The following SNTB2 variants were observed in gnomAD, a reference collection of about 807,000 sequenced individuals.
The protein encoded by SNTB2 is beta-2-syntrophin.
Under a neutral mutation model 46.2 loss-of-function variants are expected in SNTB2, and 34 were observed. The ratio of observed to expected loss-of-function variants is 0.74; its 90% confidence interval spans 0.56 to 0.98. The LOEUF (loss-of-function observed/expected upper bound fraction) is 0.98, where lower values mean the gene tolerates loss of function less well. Among genes scored for constraint, SNTB2 ranks in the 50% least tolerant of loss-of-function variants. The pLI is 0.00. For missense variants in SNTB2, 603 were observed against 731.4 expected, an observed-to-expected ratio of 0.82 and a Z score of 2.02; for synonymous variants, 290 against 312.6, an observed-to-expected ratio of 0.93 and a Z score of 0.76.
chr16:69,275,137 A>T (rs889463841), intron 4 of SNTB2, among the ~76,000 whole-genome samples: 5 of 150,084 alleles, frequency 3.3e-5, no homozygotes, highest in African/African-American at 9.8e-5. Context: ...CAGTGGCAGG[A>T]TCATAGCTCA....
intron 3 of SNTB2, among the ~76,000 whole-genome samples, chr16:69,267,484 C>T (rs1964897787): frequency 6.6e-6 from 1 of 152,178 alleles, no homozygotes; most frequent in South Asian, 2.1e-4. Flanking sequence ...CTAAGAGAAC[C>T]TCTTTAGAGC....
rs1376268322 is a variant in SNTB2, at chr16:69,307,250, A to G, written c.*6326A>G. 6.6e-6 allele frequency: 1 copy of G among 152,184 alleles called. No individual in the cohort carries two copies. The highest frequency in any genetic ancestry group is 2.4e-5 in the African/African-American group (1 of 41,444). 9.4% of individuals were successfully genotyped at this position (152,184 alleles called of 1,614,324 possible). On this transcript the variant is annotated 3_prime_UTR_variant, in exon 7 of 7. Transcript: ENST00000336278. ...TCACTTCATATTTTTACCAAAGTAT[A>G]TTTACAAGTCTGTTTATCTGGATCT...
At chr16:69,238,744 G>A (rs1312097480) in intron 1 of SNTB2, among the ~76,000 whole-genome samples, 1 of 152,040 alleles carries the variant, frequency 6.6e-6, no homozygotes, top group East Asian at 1.9e-4. Context: ...ACCCCCTTAT[G>A]TAATCTGATG....
Position 69,270,214 on chromosome 16 carries a change from CTA to C in SNTB2, c.1079_1080del (p.Tyr360Ter). ...CTGTGACTGAGAAGGATTTGCTGCTCTATGACTGTATGCCGTGGACAAGAGAT... is the reference window on the plus strand; with the variant it reads ...CTGTGACTGAGAAGGATTTGCTGCTCTGACTGTATGCCGTGGACAAGAGAT... ...MAVTEKDLLL[Y>X]DCMPWTRDAW... On this transcript the variant is annotated frameshift_variant, in exon 4 of 7. Coordinates refer to ENST00000336278, the MANE Select transcript of SNTB2 (RefSeq NM_006750.4). LOFTEE classifies it high-confidence loss of function. 1 of 1,614,144 alleles carries C rather than the reference CTA, an allele frequency of 6.2e-7. No homozygotes were observed. Among genetic ancestry groups the C allele is most frequent in the Non-Finnish European group, 8.5e-7 (1 of 1,180,038 alleles).
chr16:69,235,510 G>A (rs1051670337), intron 1 of SNTB2, among the ~76,000 whole-genome samples: 1 of 152,080 alleles, frequency 6.6e-6, no homozygotes, highest in Admixed American at 6.6e-5. Context: ...GAAAGGTGGA[G>A]TTTTTTAGAG....
At chr16:69,256,864 A>C (rs557995038) in intron 2 of SNTB2, among the ~76,000 whole-genome samples, 1 of 152,262 alleles carries the variant, frequency 6.6e-6, no homozygotes, top group African/African-American at 2.4e-5. Context: ...AAATGATTCT[A>C]TGTTATTAAT....
intron 1 of SNTB2, among the ~76,000 whole-genome samples, chr16:69,197,853 A>G (rs181506877): frequency 1.2e-4 from 19 of 152,344 alleles, no homozygotes; most frequent in South Asian, 2.1e-4. Context: ...CTAGTAGTGT[A>G]GATAATTTTT....
intron 4 of SNTB2, among the ~76,000 whole-genome samples, chr16:69,277,010 A>G (rs1016734056): frequency 6.6e-6 from 1 of 152,232 alleles, no homozygotes; most frequent in Non-Finnish European, 1.5e-5. Context: ...CTTCTGCTGC[A>G]TACTGAAGAA....
chr16:69,279,757 T>C (rs1965020932), intron 4 of SNTB2, among the ~76,000 whole-genome samples: 1 of 151,700 alleles, frequency 6.6e-6, no homozygotes, highest in Non-Finnish European at 1.5e-5. Flanking sequence ...CTCGATCTCC[T>C]GACCTTATGA....
intron 5 of SNTB2, among the ~76,000 whole-genome samples, chr16:69,296,412 C>T (rs559833832): frequency 1.3e-5 from 2 of 151,886 alleles, no homozygotes; most frequent in East Asian, 1.9e-4. Context: ...GGGAAACAAT[C>T]CAAAACAGAA....
intron 1 of SNTB2, among the ~76,000 whole-genome samples, chr16:69,214,266 G>T (rs894954842): frequency 1.5e-4 from 23 of 151,470 alleles, no homozygotes; most frequent in African/African-American, 5.6e-4. Context: ...AAGTAGCTGG[G>T]ATCACAAGTG....
intron 5 of SNTB2, among the ~76,000 whole-genome samples, chr16:69,289,173 G>A (rs112405503): frequency 0.058 from 8,745 of 151,176 alleles, 273 homozygotes; most frequent in South Asian, 0.075. Flanking sequence ...GGAGGCTGAG[G>A]CAAGAGAATT....
intron 2 of SNTB2, among the ~76,000 whole-genome samples, chr16:69,255,153 A>G (rs1228663030): frequency 6.6e-6 from 1 of 152,004 alleles, no homozygotes; most frequent in African/African-American, 2.4e-5. Flanking sequence ...GCTGGAGTAC[A>G]GTGGTACTAT....
intron 1 of SNTB2, among the ~76,000 whole-genome samples, chr16:69,218,677 T>G (rs1964372319): frequency 6.6e-6 from 1 of 152,190 alleles, no homozygotes; most frequent in Non-Finnish European, 1.5e-5. Flanking sequence ...TGCCTCGGCC[T>G]CCCAAAGTGC....
At chr16:69,195,764 A>G (rs919020504) in intron 1 of SNTB2, among the ~76,000 whole-genome samples, 2 of 152,154 alleles carry the variant, frequency 1.3e-5, no homozygotes, top group Non-Finnish European at 2.9e-5. Context: ...AAGGACTCCA[A>G]TAGTTCTGCT....
At chr16:69,278,845 G>A (rs1965007286) in intron 4 of SNTB2, among the ~76,000 whole-genome samples, 1 of 151,018 alleles carries the variant, frequency 6.6e-6, no homozygotes, top group African/African-American at 2.4e-5. Context: ...GACACTTCTT[G>A]CTGTTGGGTT....
chr16:69,266,218 G>A (rs1488195656), intron 3 of SNTB2, among the ~76,000 whole-genome samples: 3 of 152,106 alleles, frequency 2.0e-5, no homozygotes, highest in Non-Finnish European at 4.4e-5. Flanking sequence ...TACAAAATTA[G>A]CCGGGCATGG....
At chr16:69,208,937 C>T (rs1035402413) in intron 1 of SNTB2, among the ~76,000 whole-genome samples, 1 of 150,532 alleles carries the variant, frequency 6.6e-6, no homozygotes, top group Non-Finnish European at 1.5e-5. Context: ...GTTGTATGAA[C>T]AAAGAGGTGA....
Position 69,266,985 on chromosome 16 carries a change from A to C in SNTB2, c.1006-3158A>C, listed in dbSNP as rs186223786. 1.5e-3 allele frequency among the ~76,000 whole-genome samples: 224 copies of C among 151,510 alleles called. 2 individuals are homozygous for C. The highest frequency in any genetic ancestry group is 0.014 in the Middle Eastern group (4 of 284). On this transcript the variant is annotated intron_variant, in intron 3 of 6. Transcript: ENST00000336278. ...AGTGTCAAGATTATAAGTGTGAGCC[A>C]CCACACCCAGCCAGTAAAACATTTA...
Sources: allele counts gnomAD v4.1 joint callset (sites outside exome capture counted in the v4.1 genomes callset), GRCh38; gene constraint gnomAD v4.1.1; transcripts MANE v1.5; gene names NCBI Gene and HGNC (gene_info 2026-07-23, HGNC 2026-07-21).